The following STAT6 variants were observed in gnomAD, a reference collection of about 807,000 sequenced individuals.
STAT6 encodes signal transducer and activator of transcription 6.
A neutral mutation model predicts 106.3 loss-of-function variants in STAT6; 45 were observed. The observed-to-expected ratio is 0.42, with a 90% CI of 0.33 to 0.54. STAT6 has a LOEUF of 0.54. Among genes scored for constraint, STAT6 ranks in the 20% least tolerant of loss-of-function variants. The probability of loss-of-function intolerance (pLI) is 0.06; values close to 1 mark genes in which losing one functional copy is unlikely to be tolerated. For missense variants in STAT6, 797 were observed against 1,062.2 expected (o/e 0.75, Z 3.47); for synonymous variants, 413 against 413.6 (o/e 1.00, Z 0.02).
chr12:57,105,796 C>T, intron 7 of STAT6, 197 bp from the exon 8 acceptor site: 1 of 943,622 alleles, frequency 1.1e-6, no homozygotes, highest in Non-Finnish European at 1.5e-6. Context: ...GGTTCATTCT[C>T]AGTGCCTACA....
intron 1 of STAT6, among the ~76,000 whole-genome samples, chr12:57,110,838 G>A (rs2034542027): frequency 6.6e-6 from 1 of 152,252 alleles, no homozygotes; most frequent in East Asian, 1.9e-4. Context: ...TCAGGGCAGA[G>A]GGGCACTCCT....
rs1401320678 is a variant in STAT6 at position 57,096,547 on chromosome 12, CTT to C, written c.*23_*24del. 2 of 1,553,704 alleles carry C rather than the reference CTT, an allele frequency of 1.3e-6. No homozygotes were observed. The highest frequency in any genetic ancestry group is 1.2e-5 in the South Asian group (1 of 80,814). ...TGTGGGGGTAGTAGAAGAGCTGTCTCTTTGGGTTCTCCCTCCAGCTGGGATCA... is the reference window on the plus strand; with the variant it reads ...TGTGGGGGTAGTAGAAGAGCTGTCTCTGGGTTCTCCCTCCAGCTGGGATCA... On this transcript the variant is annotated 3_prime_UTR_variant, in exon 22 of 22. Coordinates refer to ENST00000300134, the MANE Select transcript of STAT6 (RefSeq NM_003153.5).
chr12:57,106,053 G>A (rs1592569575), intron 7 of STAT6, 138 bp downstream of exon 7: 14 of 1,428,050 alleles, frequency 9.8e-6, no homozygotes, highest in African/African-American at 2.8e-5. Context: ...GCACAGCCCC[G>A]CTGGAACTGG....
rs771374497 is a variant in STAT6 at position 57,102,510 on chromosome 12, GGAA to G, written c.1306-17_1306-15del. 7.8e-5 allele frequency: 125 copies of G among 1,612,386 alleles called. No individual in the cohort carries two copies. The highest frequency in any genetic ancestry group is 7.7e-4 in the Middle Eastern group (4 of 5,168). On this transcript the variant is annotated splice_polypyrimidine_tract_variant and intron_variant, in intron 12 of 21. Transcript: ENST00000300134. Reference sequence around the variant, plus strand: ...GGGCACGCGGTCCTGGGGAGAAGGGGGAAGAAGAGAGCACTGCAGGCTACCGTC... The same window carrying G: ...GGGCACGCGGTCCTGGGGAGAAGGGGGAAGAGAGCACTGCAGGCTACCGTC...
At chr12:57,109,339 C>T (rs186713217) in intron 1 of STAT6, among the ~76,000 whole-genome samples, 1 of 152,316 alleles carries the variant, frequency 6.6e-6, no homozygotes, top group African/African-American at 2.4e-5. Context: ...AGTGTATTAT[C>T]TCCTTCAGGC....
At chr12:57,104,616 G>A (rs775183999) in intron 10 of STAT6, 30 bp from the exon 11 acceptor site, 35 of 1,613,256 alleles carry the variant, frequency 2.2e-5, no homozygotes, top group Admixed American at 8.3e-5. Flanking sequence ...GAGCAAGGGC[G>A]AGGTCATGAG....
At chr12:57,104,615 C>T (rs140072987) in intron 10 of STAT6, 29 bp from the exon 11 acceptor site, 156 of 1,613,470 alleles carry the variant, frequency 9.7e-5, no homozygotes, top group African/African-American at 9.3e-4. Flanking sequence ...AGAGCAAGGG[C>T]GAGGTCATGA....
chr12:57,107,693 A>C lies in STAT6; in HGVS notation c.167T>G (p.Leu56Arg), dbSNP rs1398440820. 1 of 1,613,964 alleles carries C rather than the reference A, an allele frequency of 6.2e-7. No homozygotes were observed. The highest frequency in any genetic ancestry group is 1.7e-5 in the Admixed American group (1 of 59,994). Reference protein sequence around the residue: ...DAFCCNLASALLSDTVQHLQA... With the variant: ...DAFCCNLASARLSDTVQHLQA... Reference sequence around the variant, plus strand: ...AAGGTGCTGGACAGTGTCTGAAAGTAGGGCACTAGCCAAGTTGCAGCAGAA... The same window carrying C: ...AAGGTGCTGGACAGTGTCTGAAAGTCGGGCACTAGCCAAGTTGCAGCAGAA... Residue 56 changes from leucine to arginine, a missense_variant, in exon 3 of 22, where the codon CTA (leucine) becomes CGA (arginine). Coordinates refer to ENST00000300134, the MANE Select transcript of STAT6 (RefSeq NM_003153.5).
Position 57,099,786 on chromosome 12 carries a change from A to G in STAT6, c.1725T>C (p.His575=), listed in dbSNP as rs374296365. ...CCTCACCATCCTGGCCCCGGATGAC[A>G]TGGGCAATGGTGATGCCCCCAATCT... ...DSEIGGITIA[H]VIRGQDGSPQ... The change falls in exon 15 of 22, where the codon CAT becomes CAC. Residue 575 remains histidine, a synonymous_variant. Transcript: ENST00000300134. This position sits in a 1 kb window ranked among gnomAD's most constrained non-coding sequence, Gnocchi z 4.7. 8 of 1,614,056 alleles carry G rather than the reference A, an allele frequency of 5.0e-6. No homozygotes were observed. Among genetic ancestry groups the G allele is most frequent in the Non-Finnish European group, 6.8e-6 (8 of 1,179,976 alleles).
At position 57,102,315 on chromosome 12, in the gene STAT6, G is replaced by A. The variant is rs928659069; in HGVS notation, c.1487C>T (p.Ser496Phe). 1 of 1,614,166 alleles carries A rather than the reference G, an allele frequency of 6.2e-7. No individual in the cohort carries two copies. Among genetic ancestry groups the A allele is most frequent in the Non-Finnish European group, 8.5e-7 (1 of 1,180,038 alleles). ...SLSMEAFQHR[S>F]VSWSQFNKEI... ...CTTGTTGAACTGCGACCAGGACACA[G>A]AACGGTGCTGGAAGGCCTCCATACT... Residue 496 changes from serine (S) to phenylalanine (F), a missense_variant, in exon 13 of 22, where the codon TCT becomes TTT. This residue lies in a region of STAT6 where 222 missense variants were observed against 354.6 expected (regional missense o/e 0.63). Transcript: ENST00000300134.
chr12:57,105,032 G>T, intron 9 of STAT6, 119 bp downstream of exon 9: 2 of 1,327,238 alleles, frequency 1.5e-6, no homozygotes, highest in Non-Finnish European at 2.1e-6. Flanking sequence ...TGACCATTCA[G>T]GGTCTCCACA....
At position 57,099,023 on chromosome 12, in the gene STAT6, G is replaced by A. The variant is rs1482055823; in HGVS notation, c.1947C>T (p.Thr649=). The A allele has an allele frequency of 6.8e-6, 11 of 1,614,096 alleles. 1 individual carries two copies. Among genetic ancestry groups the A allele is most frequent in the South Asian group, 3.3e-5 (3 of 91,072 alleles). The part of the protein sequence containing the change: ...RGYVPATIKM[T]VERDQPLPTP... ...CATACCACCACACTCACCTTTCCAC[G>A]GTCATCTTGATGGTAGCTGGGACAT... The change falls in exon 17 of 22, where the codon ACC becomes ACT. Residue 649 remains threonine, a synonymous_variant. Transcript: ENST00000300134. This position sits in a 1 kb window ranked among gnomAD's most constrained non-coding sequence, Gnocchi z 4.7.
At chr12:57,107,154 A>G (rs956771150) in intron 4 of STAT6, 77 bp downstream of exon 4, 19 of 1,482,648 alleles carry the variant, frequency 1.3e-5, no homozygotes, top group Non-Finnish European at 1.7e-5. Context: ...TGAGGTTCAA[A>G]TTCTTTCTAG....
rs200693442 is a variant in STAT6, at chr12:57,102,243, G to A, written c.1512+47C>T. On this transcript the variant is annotated intron_variant, in intron 13 of 21. Coordinates refer to ENST00000300134, the MANE Select transcript of STAT6 (RefSeq NM_003153.5). ...GGCTGAGCAGGCCCTGAGTGCCCCA[G>A]GGATGAAGAGCTTGGGGGTGGGAGG... The A allele has an allele frequency of 1.6e-5, 25 of 1,599,076 alleles. No homozygotes were observed. The East Asian group carries it at 5.6e-4, about 36-fold the overall frequency.
At chr12:57,109,192 ACT>A (rs1417573615) in intron 1 of STAT6, among the ~76,000 whole-genome samples, 2 of 152,034 alleles carry the variant, frequency 1.3e-5, no homozygotes, top group Non-Finnish European at 2.9e-5. Flanking sequence ...ACAGAGAGAG[ACT>A]CTGCCTCAAA....
chr12:57,107,876 AC>A, intron 2 of STAT6, 133 bp from the exon 3 acceptor site: 1 of 1,289,382 alleles, frequency 7.8e-7, no homozygotes, highest in Non-Finnish European at 1.1e-6. Context: ...TGTAGCTTTC[AC>A]CCATGCGCCT....
At chr12:57,109,355 G>A (rs1214809349) in intron 1 of STAT6, among the ~76,000 whole-genome samples, 2 of 152,136 alleles carry the variant, frequency 1.3e-5, no homozygotes, top group Non-Finnish European at 2.9e-5. Flanking sequence ...CAGGCCTCAC[G>A]ACACTTTTTA....
chr12:57,108,468 G>A (rs2034406544), intron 1 of STAT6, among the ~76,000 whole-genome samples, 169 bp from the exon 2 acceptor site: 3 of 152,236 alleles, frequency 2.0e-5, no homozygotes, highest in Admixed American at 6.5e-5. Flanking sequence ...CTGAGATGGG[G>A]GTAACTCCTT....
rs1051450159 is a variant in STAT6, at chr12:57,098,840, C to T, written c.2018G>A (p.Gly673Glu). The change falls in exon 18 of 22, where the codon GGA becomes GAA. Residue 673 changes from glycine (G) to glutamate (E), a missense_variant. Gly to Glu is a moderately conservative substitution (Grantham distance 98). This residue lies in a region of STAT6 where 226 missense variants were observed against 236.7 expected (regional missense o/e 0.95). Transcript: ENST00000300134. Reference protein sequence around the residue: ...MPTMVPSYDLGMAPDSSMSMQ... With the variant: ...MPTMVPSYDLEMAPDSSMSMQ... ...GCTCATGGAGGAATCAGGGGCCATT[C>T]CAAGGTCATAAGAAGGCACCATGGT... 1.2e-6 allele frequency: 2 copies of T among 1,613,304 alleles called. No individual in the cohort carries two copies. Among genetic ancestry groups the T allele is most frequent in the Non-Finnish European group, 1.7e-6 (2 of 1,179,778 alleles).
Sources: allele counts gnomAD v4.1 joint callset (sites outside exome capture counted in the v4.1 genomes callset), GRCh38; gene constraint gnomAD v4.1.1; regional missense constraint gnomAD v4.1.1; non-coding constraint Gnocchi (gnomAD v3.1); transcripts MANE v1.5; gene names NCBI Gene and HGNC (gene_info 2026-07-23, HGNC 2026-07-21).